Variants in FGF14 observed in about 807,000 individuals in gnomAD.
FGF14 encodes the protein fibroblast growth factor 14, also known as fibroblast growth factor homologous factor 4.
Under a neutral mutation model 25.5 loss-of-function variants are expected in FGF14, and 5 were observed. The observed-to-expected ratio is 0.20, with a 90% CI of 0.10 to 0.41. The LOEUF (loss-of-function observed/expected upper bound fraction) is 0.41, where lower values mean the gene tolerates loss of function less well. Among genes scored for constraint, FGF14 ranks in the 10% least tolerant of loss-of-function variants. The pLI is 1.00. For missense variants in FGF14, 222 were observed against 320.1 expected (o/e 0.69, Z 2.34); for synonymous variants, 138 against 118.3 (o/e 1.17, Z -1.08).
intron 3 of FGF14, among the ~76,000 whole-genome samples, chr13:101,779,497 A>T (rs1302008180): frequency 1.3e-5 from 2 of 152,168 alleles, no homozygotes; most frequent in Non-Finnish European, 2.9e-5. Context: ...AAGAAATAAG[A>T]ATTAAGGGGA....
At chr13:102,242,276 G>A (rs1434649565) in intron 1 of FGF14, among the ~76,000 whole-genome samples, 3 of 152,072 alleles carry the variant, frequency 2.0e-5, no homozygotes, top group Non-Finnish European at 4.4e-5. Flanking sequence ...GACAAAAAGA[G>A]TCTGACAGGC....
chr13:101,838,409 G>A (rs539341486), intron 3 of FGF14, among the ~76,000 whole-genome samples: 1 of 152,032 alleles, frequency 6.6e-6, no homozygotes, highest in Non-Finnish European at 1.5e-5. Flanking sequence ...CTCCATCCTT[G>A]ACAAAGATTT....
intron 1 of FGF14, among the ~76,000 whole-genome samples, chr13:101,966,486 T>C (rs2037205932): frequency 6.6e-6 from 1 of 152,088 alleles, no homozygotes; most frequent in Admixed American, 6.5e-5. Context: ...TTTTTGTTTT[T>C]GTTTTTGTTT....
intron 3 of FGF14, among the ~76,000 whole-genome samples, chr13:101,820,018 C>T (rs1322689): frequency 0.3 from 45,642 of 152,062 alleles, 7,452 homozygotes; most frequent in South Asian, 0.42. Flanking sequence ...GCTTTCCTAG[C>T]TATTTCTTGG....
intron 3 of FGF14, among the ~76,000 whole-genome samples, chr13:101,765,692 C>G (rs886628641): frequency 2.0e-5 from 3 of 150,384 alleles, no homozygotes; most frequent in African/African-American, 7.4e-5. Context: ...CATATAGAAG[C>G]CTTTTATTTA....
intron 1 of FGF14, among the ~76,000 whole-genome samples, chr13:102,042,929 C>A (rs941199886): frequency 4.6e-5 from 7 of 152,132 alleles, no homozygotes; most frequent in Non-Finnish European, 8.8e-5. Flanking sequence ...CAGTAGCAAA[C>A]CTCCAGCAGT....
At chr13:101,963,798 C>G (rs2139477964) in intron 1 of FGF14, among the ~76,000 whole-genome samples, 1 of 152,208 alleles carries the variant, frequency 6.6e-6, no homozygotes, top group East Asian at 1.9e-4. Context: ...CTGTGTTAGT[C>G]ATGGGAGATA....
At chr13:101,789,315 T>C (rs2040095229) in intron 3 of FGF14, among the ~76,000 whole-genome samples, 1 of 152,104 alleles carries the variant, frequency 6.6e-6, no homozygotes, top group Non-Finnish European at 1.5e-5. Flanking sequence ...AGGGGTTCTT[T>C]CTTCCTCAAC....
At chr13:102,060,349 C>A (rs1292550160) in intron 1 of FGF14, among the ~76,000 whole-genome samples, 1 of 152,064 alleles carries the variant, frequency 6.6e-6, no homozygotes, top group East Asian at 1.9e-4. Context: ...CACAGTGAAA[C>A]CCCGTCTATA....
At chr13:102,178,753 G>A (rs573314819) in intron 1 of FGF14, among the ~76,000 whole-genome samples, 10 of 152,092 alleles carry the variant, frequency 6.6e-5, no homozygotes, top group South Asian at 2.1e-4. Flanking sequence ...GTAATCTATC[G>A]TATGTGTGTG....
chr13:101,816,143 G>A (rs1191656433), intron 3 of FGF14, among the ~76,000 whole-genome samples: 1 of 151,292 alleles, frequency 6.6e-6, no homozygotes. Context: ...GTTGGCGGGC[G>A]CCTGTAGTCC....
chr13:102,384,218 CATG>C (rs1363452047), intron 1 of FGF14, among the ~76,000 whole-genome samples: 2 of 152,012 alleles, frequency 1.3e-5, no homozygotes, highest in Non-Finnish European at 2.9e-5. Flanking sequence ...TTGCATTAGA[CATG>C]AGAATATTAT....
rs1049410536 is a variant in FGF14, at chr13:102,347,469, C to G, written c.208+54002G>C. Among the ~76,000 whole-genome samples, 3 of 152,274 alleles carry G rather than the reference C, an allele frequency of 2.0e-5. 1 individual carries two copies. ...GTGTACAAGCTGACACCTGACACAT[C>G]ATCAGGAGTTGACATGGCCAGGAGG... On this transcript the variant is annotated intron_variant, in intron 1 of 4. Transcript: ENST00000376131.
intron 3 of FGF14, among the ~76,000 whole-genome samples, chr13:101,755,428 G>T (rs2037582725): frequency 6.6e-6 from 1 of 151,980 alleles, no homozygotes; most frequent in Non-Finnish European, 1.5e-5. Context: ...TTGCACCTCG[G>T]AGTTTCAGTT....
At chr13:102,383,373 C>T (rs1396761631) in intron 1 of FGF14, among the ~76,000 whole-genome samples, 2 of 151,982 alleles carry the variant, frequency 1.3e-5, no homozygotes, top group African/African-American at 2.4e-5. Context: ...GCACAAAGGC[C>T]CTAAAAGCAT....
chr13:102,206,682 A>G (rs2049941595), intron 1 of FGF14, among the ~76,000 whole-genome samples: 1 of 152,140 alleles, frequency 6.6e-6, no homozygotes, highest in East Asian at 1.9e-4. Context: ...CCCTGTCTCA[A>G]AGAATATATA....
At chr13:102,030,864 A>G (rs2139933278) in intron 1 of FGF14, among the ~76,000 whole-genome samples, 1 of 152,188 alleles carries the variant, frequency 6.6e-6, no homozygotes, top group Non-Finnish European at 1.5e-5. Flanking sequence ...ATATGGTGTA[A>G]GCGAATACTC....
At chr13:102,295,988 A>T (rs190418228) in intron 1 of FGF14, among the ~76,000 whole-genome samples, 1 of 152,218 alleles carries the variant, frequency 6.6e-6, no homozygotes, top group African/African-American at 2.4e-5. Flanking sequence ...AGAAGAATTG[A>T]CCTCAGTCGT....
rs151233740 is a variant in FGF14 at position 102,337,907 on chromosome 13, C to T, written c.208+63564G>A. ...TGCTTTTTTAGACAAAATGCTTTTG[C>T]GCATTTGACTGAATACAGTATAGTG... On this transcript the variant is annotated intron_variant, in intron 1 of 4. Transcript: ENST00000376131. 1.8e-3 allele frequency among the ~76,000 whole-genome samples: 275 copies of T among 152,132 alleles called. 1 individual carries two copies. The highest frequency in any genetic ancestry group is 6.3e-3 in the African/African-American group (260 of 41,476).
Sources: gnomAD v4.1 joint callset for allele counts (sites outside exome capture counted in the v4.1 genomes callset) on GRCh38, gnomAD v4.1.1 for gene constraint, MANE v1.5 for transcripts, NCBI Gene and HGNC (gene_info 2026-07-23, HGNC 2026-07-21) for gene names.